The following HSD17B12 variants were observed in gnomAD, a reference collection of about 807,000 sequenced individuals.
HSD17B12 encodes hydroxysteroid 17-beta dehydrogenase 12.
In HSD17B12, 32 loss-of-function variants were observed where a neutral mutation model predicts 39.3. The ratio of observed to expected loss-of-function variants is 0.81; its 90% CI spans 0.61 to 1.09. The LOEUF is 1.09. Ranked by LOEUF, HSD17B12 falls within the 50% of genes least tolerant of loss-of-function variation. The pLI is 0.00. For synonymous variants in HSD17B12, 150 were observed against 146.7 expected (o/e 1.02, Z -0.16); for missense variants, 342 against 382.9 (o/e 0.89, Z 0.89).
chr11:43,646,564 G>A, the HSD17B12 span, among the ~76,000 whole-genome samples: 5 of 152,156 alleles, frequency 3.3e-5, no homozygotes, highest in African/African-American at 1.2e-4. Flanking sequence ...ATTTTTAATT[G>A]ACAAGTTACC....
At chr11:43,804,315 T>G (rs1400016040) in intron 4 of HSD17B12, among the ~76,000 whole-genome samples, 1 of 152,204 alleles carries the variant, frequency 6.6e-6, no homozygotes, top group Non-Finnish European at 1.5e-5. Context: ...CCTCAGCTGG[T>G]ACAAGGTGAC....
At chr11:43,631,385 T>A in the HSD17B12 span, among the ~76,000 whole-genome samples, 5 of 152,162 alleles carry the variant, frequency 3.3e-5, no homozygotes, top group South Asian at 2.1e-4. Flanking sequence ...CCTAAAGGCA[T>A]CTTCCAATTT....
chr11:43,819,701 C>T (rs1460314202), intron 6 of HSD17B12, among the ~76,000 whole-genome samples: 1 of 152,136 alleles, frequency 6.6e-6, no homozygotes, highest in East Asian at 1.9e-4. Context: ...GAGACAAATG[C>T]TAATTTATTA....
chr11:43,644,457 T>A, the HSD17B12 span: 1 of 152,300 alleles, frequency 6.6e-6, no homozygotes, highest in African/African-American at 2.4e-5. Flanking sequence ...GGCTGCAGGG[T>A]CGGTGAGGGT....
At chr11:43,853,416 G>A (rs1951552410) in intron 9 of HSD17B12, 1 of 147,046 alleles carries the variant, frequency 6.8e-6, no homozygotes, top group Non-Finnish European at 1.5e-5. Context: ...GAAATCCATA[G>A]AATGGAACAG....
chr11:43,588,611 T>C, the HSD17B12 span, among the ~76,000 whole-genome samples: 1 of 26,776 alleles, frequency 3.7e-5, no homozygotes, highest in East Asian at 2.1e-3. Context: ...TATTATTAGC[T>C]ATTATTATTA....
At position 43,831,207 on chromosome 11, in the gene HSD17B12, T is replaced by C; in HGVS notation, c.536+197T>C. On this transcript the variant is annotated intron_variant, in intron 7 of 10. Coordinates refer to ENST00000278353, the MANE Select transcript of HSD17B12 (RefSeq NM_016142.3). The surrounding 1 kb of genome is among the most constrained non-coding windows in gnomAD (Gnocchi z 4.1). ...GGAGGCCTTTTCCACTCGATTCCCT[T>C]TTTATTTCTCTCTCTAGGGTTGTAG... The C allele has an allele frequency of 2.3e-6, 1 of 431,938 alleles. No homozygotes were observed. The highest frequency in any genetic ancestry group is 4.1e-6 in the Non-Finnish European group (1 of 241,834). The allele number at this position is 431,938 out of a possible 1,614,324, so 26.8% of individuals were successfully genotyped here.
the HSD17B12 span, among the ~76,000 whole-genome samples, chr11:43,631,659 C>T: frequency 1.3e-5 from 2 of 151,866 alleles, no homozygotes; most frequent in African/African-American, 4.8e-5. Flanking sequence ...CTCTCTCTCC[C>T]TCTGTCTCTC....
At chr11:43,776,470 A>C (rs978951168) in intron 3 of HSD17B12, among the ~76,000 whole-genome samples, 6 of 151,630 alleles carry the variant, frequency 4.0e-5, no homozygotes, top group African/African-American at 1.5e-4. Flanking sequence ...TTTTCTTGTA[A>C]ATTTGTTTGA....
At chr11:43,573,459 G>A in the HSD17B12 span, among the ~76,000 whole-genome samples, 1 of 152,146 alleles carries the variant, frequency 6.6e-6, no homozygotes, top group African/African-American at 2.4e-5. Flanking sequence ...CCTCTTCTGG[G>A]AGGGAGGAGC....
the HSD17B12 span, among the ~76,000 whole-genome samples, chr11:43,617,230 A>T: frequency 1.3e-5 from 2 of 152,200 alleles, no homozygotes; most frequent in Admixed American, 1.3e-4. Context: ...GAGATTTTTC[A>T]GTGCCTCGCT....
At chr11:43,754,785 C>T in intron 3 of HSD17B12, 1 of 669,126 alleles carries the variant, frequency 1.5e-6, no homozygotes, top group Non-Finnish European at 2.7e-6. Flanking sequence ...CTCAGTGTTT[C>T]TAAATGTATA....
intron 3 of HSD17B12, among the ~76,000 whole-genome samples, chr11:43,795,234 G>A (rs1950906146): frequency 6.6e-6 from 1 of 152,104 alleles, no homozygotes; most frequent in Admixed American, 6.6e-5. Context: ...TTTACTTCTA[G>A]GCTGGTCTCC....
the HSD17B12 span, among the ~76,000 whole-genome samples, chr11:43,573,043 T>C: frequency 6.6e-6 from 1 of 152,222 alleles, no homozygotes; most frequent in East Asian, 1.9e-4. Flanking sequence ...CTCAGTTCTT[T>C]TCAAGGGCTT....
intron 1 of HSD17B12, among the ~76,000 whole-genome samples, chr11:43,746,114 A>C (rs1162014783): frequency 6.6e-6 from 1 of 152,166 alleles, no homozygotes; most frequent in Non-Finnish European, 1.5e-5. Flanking sequence ...TGAGTGAGTG[A>C]GTGGTGAGTG....
At chr11:43,735,557 G>A (rs1348604382) in intron 1 of HSD17B12, among the ~76,000 whole-genome samples, 1 of 152,076 alleles carries the variant, frequency 6.6e-6, no homozygotes, top group Non-Finnish European at 1.5e-5. Context: ...TTGGATAAAT[G>A]TCTATTCAAG....
the HSD17B12 span, among the ~76,000 whole-genome samples, chr11:43,571,974 A>G: frequency 6.6e-6 from 1 of 152,244 alleles, no homozygotes; most frequent in East Asian, 1.9e-4. Context: ...AATCAGAAAA[A>G]TAATCAGAGA....
chr11:43,611,775 A>ACCAACTAC, the HSD17B12 span, among the ~76,000 whole-genome samples: 1 of 152,172 alleles, frequency 6.6e-6, no homozygotes, highest in African/African-American at 2.4e-5. Context: ...CCTGTCACAT[A>ACCAACTAC]CCAACTACCC....
chr11:43,696,865 C>T (rs1264923403), intron 1 of HSD17B12, among the ~76,000 whole-genome samples: 2 of 152,094 alleles, frequency 1.3e-5, no homozygotes, highest in African/African-American at 2.4e-5. Context: ...TTTACAGGGA[C>T]ATGGATGAAA....
Sources: allele counts gnomAD v4.1 joint callset (sites outside exome capture counted in the v4.1 genomes callset), GRCh38; gene constraint gnomAD v4.1.1; non-coding constraint Gnocchi (gnomAD v3.1); transcripts MANE v1.5; gene names NCBI Gene and HGNC (gene_info 2026-07-23, HGNC 2026-07-21).